TSHZ2: variants seen among roughly 807,000 people sequenced by gnomAD.
TSHZ2 encodes teashirt homolog 2.
In TSHZ2, 21 loss-of-function variants were observed where a neutral mutation model predicts 74.4. The ratio of observed to expected loss-of-function variants is 0.28; its 90% CI spans 0.20 to 0.41. The LOEUF (loss-of-function observed/expected upper bound fraction) is 0.41, where lower values mean the gene tolerates loss of function less well. Ranked by LOEUF, TSHZ2 falls within the 10% of genes least tolerant of loss-of-function variation. The pLI, the probability that TSHZ2 is intolerant of heterozygous loss-of-function variation, is 1.00. For missense variants in TSHZ2, 1,244 were observed against 1,293.5 expected, an observed-to-expected ratio of 0.96 and a Z score of 0.59; for synonymous variants, 540 against 515.3, an observed-to-expected ratio of 1.05 and a Z score of -0.65.
intron 1 of TSHZ2, among the ~76,000 whole-genome samples, chr20:53,204,252 TATG>T (rs1358656553): frequency 5.3e-5 from 6 of 112,714 alleles, no homozygotes; most frequent in African/African-American, 1.5e-4. Flanking sequence ...TATATCATCA[TATG>T]ATGATATGAT....
intron 1 of TSHZ2, among the ~76,000 whole-genome samples, chr20:53,067,388 A>G (rs561522684): frequency 1.8e-4 from 27 of 152,340 alleles, no homozygotes; most frequent in African/African-American, 6.5e-4. Flanking sequence ...AATAATTCTA[A>G]TGTCACTTGC....
chr20:53,342,955 C>CTTTTTTTTTTTTTTTTTTTTTTTT (rs1175907478), intron 2 of TSHZ2, among the ~76,000 whole-genome samples: 21 of 61,238 alleles, frequency 3.4e-4, no homozygotes, highest in South Asian at 8.3e-4. Context: ...CTTTTCTTTT[C>CTTTTTTTTTTTTTTTTTTTTTTTT]TTTTTTTTTT....
At chr20:53,284,714 G>A (rs1412780131) in intron 2 of TSHZ2, among the ~76,000 whole-genome samples, 1 of 89,060 alleles carries the variant, frequency 1.1e-5, no homozygotes, top group Non-Finnish European at 2.2e-5. Context: ...CTACACGCCC[G>A]TCCCCCCCAC....
intron 1 of TSHZ2, among the ~76,000 whole-genome samples, chr20:53,226,722 C>T (rs1989695236): frequency 6.6e-6 from 1 of 152,042 alleles, no homozygotes. Context: ...TTACCGGGTA[C>T]CGTCCTGTGT....
At chr20:53,122,098 G>A (rs1431873672) in intron 1 of TSHZ2, among the ~76,000 whole-genome samples, 1 of 151,872 alleles carries the variant, frequency 6.6e-6, no homozygotes, top group Non-Finnish European at 1.5e-5. Context: ...ACCAGGCTGG[G>A]CAACATGGAG....
intron 2 of TSHZ2, among the ~76,000 whole-genome samples, chr20:53,377,862 C>CA (rs773465596): frequency 3.8e-4 from 58 of 151,728 alleles, no homozygotes; most frequent in Non-Finnish European, 7.1e-4. Flanking sequence ...GACCTTGTCT[C>CA]AAAAAAACAA....
chr20:53,286,903 A>G (rs1447232911), intron 2 of TSHZ2, among the ~76,000 whole-genome samples: 1 of 151,456 alleles, frequency 6.6e-6, no homozygotes, highest in Non-Finnish European at 1.5e-5. Flanking sequence ...ACACACACAC[A>G]CACACACACA....
chr20:53,404,829 A>C (rs932382779), intron 2 of TSHZ2, among the ~76,000 whole-genome samples: 1 of 150,544 alleles, frequency 6.6e-6, no homozygotes, highest in Non-Finnish European at 1.5e-5. Flanking sequence ...CTACACCTGC[A>C]TTGATCACTG....
rs1466124972 is a variant in TSHZ2, at chr20:53,252,253, G to A, written c.41-1246G>A. On this transcript the variant is annotated intron_variant, in intron 1 of 2. Coordinates refer to ENST00000371497, the MANE Select transcript of TSHZ2 (RefSeq NM_173485.6). ...CTGCCTCACAGGATGGACCTCCAGC[G>A]CATGACCACTCCTTTTCCAAGCTTT... Among the ~76,000 whole-genome samples the A allele has an allele frequency of 1.5e-4, 23 of 152,134 alleles. 1 individual carries two copies. The highest frequency in any genetic ancestry group is 1.2e-3 in the Admixed American group (19 of 15,274).
At chr20:53,442,740 G>A (rs1233369923) in intron 2 of TSHZ2, among the ~76,000 whole-genome samples, 1 of 152,192 alleles carries the variant, frequency 6.6e-6, no homozygotes, top group African/African-American at 2.4e-5. Flanking sequence ...TTAGGCCTCA[G>A]TTGGAGGTTG....
In TSHZ2 at chr20:53,053,898, G is replaced by C. The variant is rs571712277; in HGVS notation, c.40+80565G>C. Among the ~76,000 whole-genome samples the C allele has an allele frequency of 9.3e-4, 141 of 152,236 alleles. 2 individuals carry two copies. The highest frequency in any genetic ancestry group is 3.3e-3 in the African/African-American group (137 of 41,530). Reference sequence around the variant, plus strand: ...TGTTGTCCATTGCCATGAGAGGAAGGGGCTACCCTGTCTAATTAGTGACTG... The same window carrying C: ...TGTTGTCCATTGCCATGAGAGGAAGCGGCTACCCTGTCTAATTAGTGACTG... On this transcript the variant is annotated intron_variant, in intron 1 of 2. Transcript: ENST00000371497.
chr20:53,361,891 G>C (rs1264832755), intron 2 of TSHZ2, among the ~76,000 whole-genome samples: 4 of 146,402 alleles, frequency 2.7e-5, no homozygotes, highest in African/African-American at 1.0e-4. Flanking sequence ...TTTTGTTGTT[G>C]TTGTTGTTTG....
chr20:53,379,255 G>A (rs540503303), intron 2 of TSHZ2, among the ~76,000 whole-genome samples: 3 of 152,276 alleles, frequency 2.0e-5, no homozygotes, highest in African/African-American at 7.2e-5. Flanking sequence ...GGTGTCACGC[G>A]CCTGTAGTCC....
intron 1 of TSHZ2, among the ~76,000 whole-genome samples, chr20:53,059,178 A>T (rs553854670): frequency 6.6e-6 from 1 of 152,330 alleles, no homozygotes; most frequent in East Asian, 1.9e-4. Flanking sequence ...CTTCTGCAAC[A>T]GATGAGGTTT....
chr20:53,079,775 G>T (rs915206751), intron 1 of TSHZ2, among the ~76,000 whole-genome samples: 5 of 152,112 alleles, frequency 3.3e-5, no homozygotes, highest in Middle Eastern at 3.4e-3. Flanking sequence ...TTTCACAAAA[G>T]CACCAGCAGA....
At position 53,320,118 on chromosome 20, in the gene TSHZ2, T is replaced by C. The variant is rs192593187; in HGVS notation, c.*8+63547T>C. On this transcript the variant is annotated intron_variant, in intron 2 of 2. Transcript: ENST00000371497. ...CTGCCATCATCATCATTATCATCGT[T>C]ACGGTCATTATCTTCATTGTGAACC... Among the ~76,000 whole-genome samples, 11 of 152,354 alleles carry C rather than the reference T, an allele frequency of 7.2e-5. No individual in the cohort carries two copies. In the East Asian group the frequency reaches 1.9e-3, roughly 27 times the overall value.
intron 2 of TSHZ2, among the ~76,000 whole-genome samples, chr20:53,460,511 G>C (rs1361830122): frequency 2.0e-5 from 3 of 152,286 alleles, no homozygotes; most frequent in African/African-American, 7.2e-5. Context: ...CCGTAGCTCA[G>C]AGTAATTTGA....
intron 2 of TSHZ2, among the ~76,000 whole-genome samples, chr20:53,472,899 CG>C (rs1262003070): frequency 1.3e-4 from 20 of 152,046 alleles, no homozygotes; most frequent in South Asian, 2.1e-4. Context: ...GGGTGACGGA[CG>C]GCACCTGGAA....
chr20:53,354,782 T>C (rs978486064), intron 2 of TSHZ2, among the ~76,000 whole-genome samples: 2 of 152,226 alleles, frequency 1.3e-5, no homozygotes, highest in Non-Finnish European at 2.9e-5. Flanking sequence ...TTGAGTATCA[T>C]GTATGCATTC....
Sources: allele counts gnomAD v4.1 joint callset (sites outside exome capture counted in the v4.1 genomes callset), GRCh38; gene constraint gnomAD v4.1.1; transcripts MANE v1.5; gene names NCBI Gene and HGNC (gene_info 2026-07-23, HGNC 2026-07-21).